Variants in IGF2BP1 observed in about 807,000 individuals in gnomAD.
IGF2BP1 encodes insulin-like growth factor 2 mRNA-binding protein 1.
A neutral mutation model predicts 74.9 loss-of-function variants in IGF2BP1; 11 were observed. The observed-to-expected ratio is 0.15, with a 90% CI of 0.09 to 0.24. The LOEUF is 0.24. Among genes scored for constraint, IGF2BP1 ranks in the 10% least tolerant of loss-of-function variants. The pLI is 1.00. For synonymous variants in IGF2BP1, 287 were observed against 281.8 expected (o/e 1.02, Z -0.18); for missense variants, 440 against 757.4 (o/e 0.58, Z 4.92).
At chr17:49,014,748 G>A in intron 2 of IGF2BP1, 15 of 984,934 alleles carry the variant, frequency 1.5e-5, no homozygotes, top group African/African-American at 3.5e-5. Flanking sequence ...TTGCGGGGCT[G>A]GTGCCCAGAT....
intron 2 of IGF2BP1, among the ~76,000 whole-genome samples, chr17:49,004,272 G>T (rs2041521172): frequency 7.1e-6 from 1 of 141,610 alleles, no homozygotes; most frequent in South Asian, 2.1e-4. Context: ...CGCAAACCTC[G>T]CAGCAGATAC....
chr17:49,042,016 C>T (rs769673965), intron 8 of IGF2BP1, among the ~76,000 whole-genome samples: 2 of 152,212 alleles, frequency 1.3e-5, no homozygotes, highest in African/African-American at 2.4e-5. Context: ...GGATCCATTG[C>T]TAACAGAGGA....
intron 2 of IGF2BP1, among the ~76,000 whole-genome samples, chr17:49,022,713 A>AC (rs1475081130): frequency 1.3e-5 from 2 of 152,064 alleles, no homozygotes; most frequent in Non-Finnish European, 2.9e-5. Flanking sequence ...CACCACTGCC[A>AC]CCCTTCTCCC....
At chr17:49,003,316 C>T (rs1407316347) in intron 2 of IGF2BP1, among the ~76,000 whole-genome samples, 4 of 152,088 alleles carry the variant, frequency 2.6e-5, no homozygotes, top group African/African-American at 9.7e-5. Flanking sequence ...TTATACTATA[C>T]TTTAATGTGT....
intron 9 of IGF2BP1, among the ~76,000 whole-genome samples, chr17:49,043,062 G>C (rs2042069704): frequency 6.6e-6 from 1 of 152,124 alleles, no homozygotes; most frequent in Non-Finnish European, 1.5e-5. Context: ...AAGTCCAATG[G>C]AGCTCTGTCT....
Position 48,997,957 on chromosome 17 carries a change from A to G in IGF2BP1, c.175+37A>G. On this transcript the variant is annotated intron_variant, in intron 1 of 14. Coordinates refer to ENST00000290341, the MANE Select transcript of IGF2BP1 (RefSeq NM_006546.4). This position sits in a 1 kb window ranked among gnomAD's most constrained non-coding sequence, Gnocchi z 4.8. ...GCCACCTCCCGGAAAAGCCACAACG[A>G]GAGCCCCGAACAACGGAGACCCGCA... The G allele has an allele frequency of 6.2e-7, 1 of 1,602,930 alleles. No homozygotes were observed. The highest frequency in any genetic ancestry group is 1.1e-5 in the South Asian group (1 of 89,686).
intron 8 of IGF2BP1, among the ~76,000 whole-genome samples, 173 bp downstream of exon 8, chr17:49,041,673 G>T (rs138177046): frequency 6.6e-6 from 1 of 152,194 alleles, no homozygotes. Flanking sequence ...GTAAGGACTG[G>T]ATCTGCCCAT....
At chr17:49,005,529 G>A (rs977840242) in intron 2 of IGF2BP1, among the ~76,000 whole-genome samples, 1 of 152,176 alleles carries the variant, frequency 6.6e-6, no homozygotes, top group East Asian at 1.9e-4. Context: ...GTAAGGGATG[G>A]TGTCTGATAT....
At chr17:49,014,665 T>G (rs926243852) in intron 2 of IGF2BP1, 1 of 574,032 alleles carries the variant, frequency 1.7e-6, no homozygotes, top group Non-Finnish European at 2.2e-6. Flanking sequence ...CAGGTCATGG[T>G]TGGCAGCTAG....
intron 6 of IGF2BP1, 37 bp from the exon 7 acceptor site, chr17:49,039,919 TG>T (rs1223783782): frequency 6.2e-7 from 1 of 1,609,102 alleles, no homozygotes; most frequent in Non-Finnish European, 8.5e-7. Context: ...CTGGTATCAC[TG>T]GGGACAACTA....
At chr17:49,015,627 C>G (rs971326214) in intron 2 of IGF2BP1, among the ~76,000 whole-genome samples, 1 of 152,150 alleles carries the variant, frequency 6.6e-6, no homozygotes, top group Non-Finnish European at 1.5e-5. Context: ...CTCAGTCTAC[C>G]CCAGGGACCC....
At chr17:49,033,366 G>A (rs1371405764) in intron 5 of IGF2BP1, among the ~76,000 whole-genome samples, 2 of 149,228 alleles carry the variant, frequency 1.3e-5, no homozygotes, top group Non-Finnish European at 3.0e-5. Context: ...TTTTGAGACG[G>A]AGTCTCACTC....
chr17:48,999,188 C>CT lies in IGF2BP1; in HGVS notation c.236+19_236+20insT, dbSNP rs775344791. ...AACAAAGGTAGGAAAGAGCTCTTTT[C>CT]GGGGGGGGTGGGGGGGCCGCGGGGG... On this transcript the variant is annotated intron_variant, in intron 2 of 14. Transcript: ENST00000290341. 1.3e-3 allele frequency: 664 copies of CT among 515,670 alleles called. 23 individuals are homozygous for CT. The East Asian group carries it at 0.034, about 26-fold the overall frequency. The allele number at this position is 515,670 out of a possible 1,614,324, so 31.9% of individuals were successfully genotyped here. A position where few individuals can be genotyped will look rare whatever the true frequency, so the allele number is the denominator to read the frequency against.
chr17:49,032,970 T>G (rs1033524220), intron 5 of IGF2BP1, among the ~76,000 whole-genome samples: 1 of 151,596 alleles, frequency 6.6e-6, no homozygotes, highest in Non-Finnish European at 1.5e-5. Flanking sequence ...CATGCACCAT[T>G]ATGCCTGGTT....
At position 49,038,399 on chromosome 17, in the gene IGF2BP1, T is replaced by G. The variant is rs764495682; in HGVS notation, c.633T>G (p.Ile211Met). Residue 211 changes from isoleucine (I) to methionine (M), a missense_variant, in exon 6 of 15, where the codon ATT becomes ATG. Ile to Met is a conservative substitution (Grantham distance 10, BLOSUM62 1). This residue lies in a region of IGF2BP1 where 184 missense variants were observed against 273.4 expected (regional missense o/e 0.67). Transcript: ENST00000290341. ...CCACCCAGTATGTGGGTGCCATTAT[T>G]GGCAAGGAGGGGGCCACCATCCGCA... Reference protein sequence around the residue: ...LVPTQYVGAIIGKEGATIRNI... With the variant: ...LVPTQYVGAIMGKEGATIRNI... 3 of 1,586,808 alleles carry G rather than the reference T, an allele frequency of 1.9e-6. No homozygotes were observed. The highest frequency in any genetic ancestry group is 2.6e-6 in the Non-Finnish European group (3 of 1,166,220).
At chr17:49,004,455 G>C (rs1425337156) in intron 2 of IGF2BP1, 1 of 152,272 alleles carries the variant, frequency 6.6e-6, no homozygotes, top group East Asian at 1.9e-4. Flanking sequence ...GGATGAGACA[G>C]TTGGAGAGAA....
intron 2 of IGF2BP1, among the ~76,000 whole-genome samples, chr17:49,007,125 C>T (rs2041559564): frequency 6.6e-6 from 1 of 152,086 alleles, no homozygotes; most frequent in South Asian, 2.1e-4. Context: ...AAGAATCCTC[C>T]TGGGGGTCTG....
At chr17:48,999,959 TGTGTTC>T (rs2041466745) in intron 2 of IGF2BP1, among the ~76,000 whole-genome samples, 2 of 151,272 alleles carry the variant, frequency 1.3e-5, no homozygotes, top group South Asian at 2.1e-4. Context: ...TGTGTGTGTG[TGTGTTC>T]GTGTGTGTTC....
At chr17:49,008,954 G>T (rs1168077340) in intron 2 of IGF2BP1, among the ~76,000 whole-genome samples, 2 of 151,916 alleles carry the variant, frequency 1.3e-5, no homozygotes, top group Non-Finnish European at 2.9e-5. Flanking sequence ...CCTTTGCTAG[G>T]TATTAGAAAT....
Sources: allele counts gnomAD v4.1 joint callset (sites outside exome capture counted in the v4.1 genomes callset), GRCh38; gene constraint gnomAD v4.1.1; regional missense constraint gnomAD v4.1.1; non-coding constraint Gnocchi (gnomAD v3.1); transcripts MANE v1.5; gene names NCBI Gene and HGNC (gene_info 2026-07-23, HGNC 2026-07-21).